Variants in GSG1L observed in about 807,000 individuals in gnomAD.
The protein encoded by GSG1L is germ cell-specific gene 1-like protein.
Under a neutral mutation model 42.1 loss-of-function variants are expected in GSG1L, and 24 were observed. The observed-to-expected ratio is 0.57, with a 90% CI of 0.41 to 0.80. The LOEUF (loss-of-function observed/expected upper bound fraction) is 0.80. GSG1L is among the 30% of genes least tolerant of loss of function. GSG1L has a pLI of 0.00. For synonymous variants in GSG1L, 215 were observed against 203.5 expected (o/e 1.06, Z -0.48); for missense variants, 445 against 472.2 (o/e 0.94, Z 0.53).
At chr16:28,061,841 G>C (rs2086345147) in intron 1 of GSG1L, among the ~76,000 whole-genome samples, 2 of 152,194 alleles carry the variant, frequency 1.3e-5, no homozygotes, top group Non-Finnish European at 2.9e-5. Context: ...CCCAGTGAAA[G>C]GAGCCCCTGA....
intron 1 of GSG1L, among the ~76,000 whole-genome samples, chr16:28,032,572 T>C (rs1402294206): frequency 3.3e-5 from 5 of 152,336 alleles, no homozygotes; most frequent in African/African-American, 1.2e-4. Context: ...CTACTTGACA[T>C]TGCCTCTGGG....
At chr16:27,901,588 G>C (rs959544191) in intron 2 of GSG1L, among the ~76,000 whole-genome samples, 2 of 152,202 alleles carry the variant, frequency 1.3e-5, no homozygotes, top group African/African-American at 2.4e-5. Context: ...TCCTGGGCTG[G>C]CCCCTGTGGA....
At chr16:27,846,033 G>T (rs1302533245) in intron 3 of GSG1L, among the ~76,000 whole-genome samples, 1 of 151,954 alleles carries the variant, frequency 6.6e-6, no homozygotes, top group Non-Finnish European at 1.5e-5. Flanking sequence ...CTCCTAAGTA[G>T]CTGGGACTAC....
chr16:28,062,323 C>T (rs947900881), intron 1 of GSG1L, among the ~76,000 whole-genome samples: 1 of 152,198 alleles, frequency 6.6e-6, no homozygotes, highest in Non-Finnish European at 1.5e-5. Context: ...GATCTGCCTT[C>T]TGAAAAGTCA....
chr16:27,977,393 C>T (rs983019025), intron 1 of GSG1L, among the ~76,000 whole-genome samples: 3 of 151,870 alleles, frequency 2.0e-5, no homozygotes, highest in Non-Finnish European at 4.4e-5. Flanking sequence ...CCAACATGGT[C>T]AAACCCTGTC....
chr16:27,964,323 CAA>C (rs11306598), intron 1 of GSG1L, among the ~76,000 whole-genome samples: 257 of 126,488 alleles, frequency 2.0e-3, no homozygotes, highest in Middle Eastern at 4.4e-3. Flanking sequence ...GACTCTGTCT[CAA>C]AAAAAAAAAA....
At chr16:27,877,306 T>C (rs2141017597) in intron 3 of GSG1L, among the ~76,000 whole-genome samples, 1 of 152,236 alleles carries the variant, frequency 6.6e-6, no homozygotes, top group Admixed American at 6.5e-5. Flanking sequence ...ATTATGACTT[T>C]TATGGGCCCT....
intron 1 of GSG1L, among the ~76,000 whole-genome samples, chr16:27,969,630 T>C (rs1241068876): frequency 1.3e-5 from 2 of 152,252 alleles, no homozygotes; most frequent in Non-Finnish European, 2.9e-5. Flanking sequence ...AGATAATAGA[T>C]ACTTGAATTT....
At position 27,884,561 on chromosome 16, in the gene GSG1L, C is replaced by T. The variant is rs779884306; in HGVS notation, c.475G>A (p.Glu159Lys). The T allele has an allele frequency of 1.2e-6, 2 of 1,613,548 alleles. No homozygotes were observed. Among genetic ancestry groups the T allele is most frequent in the Non-Finnish European group, 1.7e-6 (2 of 1,179,800 alleles). Residue 159 changes from glutamate to lysine, a missense_variant, in exon 3 of 7, where the codon GAG (glutamate) becomes AAG (lysine). Glu to Lys is a moderately conservative substitution (Grantham distance 56). Transcript: ENST00000447459. The surrounding 1 kb of genome is among the most constrained non-coding windows in gnomAD (Gnocchi z 4.4). ...LVVGFSLMCL[E>K]LFHSSNVIDG... ...ATGACATTGCTGGAGTGGAAGAGCT[C>T]GAGACACATGAGGCTGAAGCCAACC...
intron 3 of GSG1L, among the ~76,000 whole-genome samples, chr16:27,861,671 C>A (rs183356044): frequency 1.3e-5 from 2 of 152,124 alleles, no homozygotes; most frequent in Non-Finnish European, 2.9e-5. Context: ...CCTCACTTCC[C>A]GCCCCTCTTT....
At chr16:27,911,274 T>G (rs1038210981) in intron 2 of GSG1L, among the ~76,000 whole-genome samples, 1 of 132,250 alleles carries the variant, frequency 7.6e-6, no homozygotes, top group African/African-American at 2.7e-5. Context: ...TCGCTCTCTC[T>G]CTCTCTCTCT....
At chr16:27,931,855 G>C (rs547712354) in intron 2 of GSG1L, among the ~76,000 whole-genome samples, 1 of 152,258 alleles carries the variant, frequency 6.6e-6, no homozygotes, top group East Asian at 1.9e-4. Flanking sequence ...AATCAGGCGG[G>C]TGTTGGGTTA....
intron 2 of GSG1L, among the ~76,000 whole-genome samples, chr16:27,945,629 C>A (rs74374891): frequency 6.6e-6 from 1 of 152,172 alleles, no homozygotes; most frequent in African/African-American, 2.4e-5. Flanking sequence ...GCAAAGTAAA[C>A]CCCAGCCGGT....
intron 1 of GSG1L, among the ~76,000 whole-genome samples, chr16:27,992,270 G>A (rs1468228758): frequency 6.6e-6 from 1 of 152,222 alleles, no homozygotes; most frequent in East Asian, 1.9e-4. Context: ...GCCGAAGCGG[G>A]TGGATCACCT....
In GSG1L at chr16:28,040,442, A is replaced by G. The variant is rs537272935; in HGVS notation, c.349+22634T>C. Among the ~76,000 whole-genome samples, 1 of 152,086 alleles carries G rather than the reference A, an allele frequency of 6.6e-6. No homozygotes were observed. The highest frequency in any genetic ancestry group is 1.5e-5 in the Non-Finnish European group (1 of 68,014). On this transcript the variant is annotated intron_variant, in intron 1 of 6. Transcript: ENST00000447459. The surrounding 1 kb of genome is among the most constrained non-coding windows in gnomAD (Gnocchi z 4.1). ...ATTTGCTTATCTGTTGCCTCACCAC[A>G]TACTCCCCCAGAATTAATTACGAAT...
intron 6 of GSG1L, among the ~76,000 whole-genome samples, chr16:27,792,430 G>C (rs8051306): frequency 0.13 from 19,416 of 152,172 alleles, 1,650 homozygotes; most frequent in Non-Finnish European, 0.19. Context: ...TCACTCCTTC[G>C]TGTTTTTGGC....
Position 27,955,373 on chromosome 16 carries a change from C to G in GSG1L, c.397+7783G>C, listed in dbSNP as rs181605599. 9.9e-5 allele frequency among the ~76,000 whole-genome samples: 15 copies of G among 151,206 alleles called. No individual in the cohort carries two copies. The East Asian group carries it at 2.9e-3, about 30-fold the overall frequency. ...TGAAATATAAAAATTGAATAAATAT[C>G]TGAGGAATAAATAAAAAGGCAAATA... On this transcript the variant is annotated intron_variant, in intron 2 of 6. Coordinates refer to ENST00000447459, the MANE Select transcript of GSG1L (RefSeq NM_001109763.2).
intron 2 of GSG1L, among the ~76,000 whole-genome samples, chr16:27,961,800 G>A (rs575173725): frequency 1.4e-4 from 22 of 152,178 alleles, no homozygotes; most frequent in Non-Finnish European, 2.8e-4. Flanking sequence ...AGAAATGGAG[G>A]AGGCGGTCCT....
rs189396294 is a variant in GSG1L, at chr16:27,932,852, C to A, written c.397+30304G>T. ...TTTCCACCGCTGCCATAAGAATATCCCCTGGTGCTGGCCCCAGTGTGACAG... is the reference window on the plus strand; with the variant it reads ...TTTCCACCGCTGCCATAAGAATATCACCTGGTGCTGGCCCCAGTGTGACAG... On this transcript the variant is annotated intron_variant, in intron 2 of 6. Coordinates refer to ENST00000447459, the MANE Select transcript of GSG1L (RefSeq NM_001109763.2). Among the ~76,000 whole-genome samples, 137 of 152,108 alleles carry A rather than the reference C, an allele frequency of 9.0e-4. 1 individual carries two copies. The highest frequency in any genetic ancestry group is 3.1e-3 in the African/African-American group (128 of 41,514).
Sources: allele counts gnomAD v4.1 joint callset (sites outside exome capture counted in the v4.1 genomes callset), GRCh38; gene constraint gnomAD v4.1.1; non-coding constraint Gnocchi (gnomAD v3.1); transcripts MANE v1.5; gene names NCBI Gene and HGNC (gene_info 2026-07-23, HGNC 2026-07-21).